Variants in CAPN6 observed in about 807,000 individuals in gnomAD.
CAPN6 encodes calpain 6, also known as calpain-6.
A neutral mutation model predicts 46.0 loss-of-function variants in CAPN6; 16 were observed. The ratio of observed to expected loss-of-function variants is 0.35; its 90% CI spans 0.24 to 0.53. CAPN6 has a LOEUF of 0.53. Ranked by LOEUF, CAPN6 falls within the 20% of genes least tolerant of loss-of-function variation. The pLI is 0.94. For missense variants in CAPN6, 461 were observed against 498.0 expected, an observed-to-expected ratio of 0.93 and a Z score of 0.71; for synonymous variants, 206 against 172.8, an observed-to-expected ratio of 1.19 and a Z score of -1.51.
At chrX:111,269,753 T>G (rs1010951805) in intron 1 of CAPN6, among the ~76,000 whole-genome samples, 1 of 111,430 alleles carries the variant, frequency 9.0e-6, no homozygotes, top group Non-Finnish European at 1.9e-5. Context: ...AGGCTGAAAA[T>G]GGAATAGCCA....
chrX:111,256,141 G>A (rs2094983564), intron 2 of CAPN6, among the ~76,000 whole-genome samples: 1 of 111,915 alleles, frequency 8.9e-6, no homozygotes, highest in Admixed American at 9.4e-5. Flanking sequence ...GCTCTCGCCT[G>A]TAATCCCAGC....
At chrX:111,265,923 T>C (rs1463651290) in intron 1 of CAPN6, among the ~76,000 whole-genome samples, 1 of 111,139 alleles carries the variant, frequency 9.0e-6, no homozygotes, top group Non-Finnish European at 1.9e-5. Context: ...GTAGCACCAA[T>C]TGAAAGGAAA....
Position 111,246,403 on chromosome X carries a change from G to A in CAPN6, c.*174C>T. 2.2e-6 allele frequency: 1 copy of A among 454,921 alleles called. No homozygotes were observed. The highest frequency in any genetic ancestry group is 3.8e-6 in the Non-Finnish European group (1 of 265,568). The allele number at this position is 454,921 out of a possible 1,213,427, so 37.5% of individuals were successfully genotyped here. On this transcript the variant is annotated 3_prime_UTR_variant, in exon 13 of 13. Transcript: ENST00000324068. Reference sequence around the variant, plus strand: ...CAGCTGCTGGAGGTATATAGGTTATGTAGCTACAGATGCTACTTGGATTGG... The same window carrying A: ...CAGCTGCTGGAGGTATATAGGTTATATAGCTACAGATGCTACTTGGATTGG...
In CAPN6 at chrX:111,270,426, C is replaced by CTGCTGCTGCTGCTGCTGCTGCTGG. The variant is rs1265919870; in HGVS notation, c.-72_-71insCCAGCAGCAGCAGCAGCAGCAGCA. 1.4e-5 allele frequency: 5 copies of CTGCTGCTGCTGCTGCTGCTGCTGG among 347,549 alleles called. No homozygotes were observed. In the Admixed American group the frequency reaches 1.6e-4, roughly 11 times the overall value. The allele number at this position is 347,549 out of a possible 1,213,427, so 28.6% of individuals were successfully genotyped here. On this transcript the variant is annotated 5_prime_UTR_variant, in exon 1 of 13. Transcript: ENST00000324068. ...GCTGCTGCTGCTGCTGCTGCTGCTG[C>CTGCTGCTGCTGCTGCTGCTGCTGG]CGTTGCCGCTGCTGCTGTTAGCCAG...
chrX:111,264,485 T>C lies in CAPN6; in HGVS notation c.-15-534A>G, dbSNP rs1004001672. On this transcript the variant is annotated intron_variant, in intron 1 of 12. Transcript: ENST00000324068. ...CTTCCGTCTTGTCATTTAAAGAGCT[T>C]TGCATTTTTTATTATTGGCCAGGAA... 2.7e-5 allele frequency among the ~76,000 whole-genome samples: 3 copies of C among 111,714 alleles called. No homozygotes were observed. The East Asian group carries it at 8.4e-4, about 31-fold the overall frequency.
At chrX:111,253,566 AG>A (rs1459218697) in intron 3 of CAPN6, among the ~76,000 whole-genome samples, 3 of 112,714 alleles carry the variant, frequency 2.7e-5, no homozygotes, top group Non-Finnish European at 5.6e-5. Flanking sequence ...TTAAAATGCA[AG>A]GCATTCTAAA....
chrX:111,254,660 G>A (rs892111243), intron 2 of CAPN6, among the ~76,000 whole-genome samples: 7 of 111,254 alleles, frequency 6.3e-5, no homozygotes, highest in Non-Finnish European at 1.3e-4. Flanking sequence ...GGTGCCATGC[G>A]GTGGTGAGGG....
chrX:111,251,892 C>G (rs2094979871), intron 5 of CAPN6, 150 bp from the exon 6 acceptor site: 1 of 466,817 alleles, frequency 2.1e-6, no homozygotes. Context: ...GAAACAAAAA[C>G]AGTAGAGGAA....
Position 111,251,563 on chromosome X carries a change from G to A in CAPN6, c.879C>T (p.Gly293=). 8.3e-7 allele frequency: 1 copy of A among 1,205,593 alleles called. No individual in the cohort carries two copies. Among genetic ancestry groups the A allele is most frequent in the Non-Finnish European group, 1.1e-6 (1 of 890,289 alleles). ...ATGCAACTCACATTTCACTCCAGGG[G>A]CCACTCCATTCCTGTCTTCCCAAGG... ...RNPLGRQEWS[G]PWSEISEEWQ... is the part of the protein sequence containing the mutation. Residue 293 remains glycine, a synonymous_variant, in exon 6 of 13, where the codon GGC becomes GGT. Coordinates refer to ENST00000324068, the MANE Select transcript of CAPN6 (RefSeq NM_014289.4).
intron 2 of CAPN6, among the ~76,000 whole-genome samples, chrX:111,259,366 T>C (rs905314720): frequency 8.9e-6 from 1 of 112,525 alleles, no homozygotes; most frequent in African/African-American, 3.2e-5. Flanking sequence ...AAGGAAATTC[T>C]TGAGCAGACT....
At chrX:111,257,765 TG>T (rs1184100969) in intron 2 of CAPN6, among the ~76,000 whole-genome samples, 1 of 111,390 alleles carries the variant, frequency 9.0e-6, no homozygotes, top group Non-Finnish European at 1.9e-5. Context: ...GTGGTAGGAA[TG>T]GGGTTGGAGG....
At chrX:111,247,775 T>G in intron 11 of CAPN6, 96 bp downstream of exon 11, 1 of 1,061,757 alleles carries the variant, frequency 9.4e-7, no homozygotes, top group Middle Eastern at 2.6e-4. Flanking sequence ...CTAGACAAAA[T>G]ATCGCTGGAG....
At chrX:111,261,672 G>A (rs1376020124) in intron 2 of CAPN6, among the ~76,000 whole-genome samples, 1 of 112,208 alleles carries the variant, frequency 8.9e-6, no homozygotes, top group Non-Finnish European at 1.9e-5. Flanking sequence ...ACAATGGACT[G>A]AGCCAAGATA....
chrX:111,254,505 T>A, intron 2 of CAPN6, 102 bp from the exon 3 acceptor site: 1 of 581,162 alleles, frequency 1.7e-6, no homozygotes, highest in Non-Finnish European at 2.7e-6. Context: ...GAGATAAGGT[T>A]AGGGTTGAAA....
chrX:111,258,553 G>T (rs762250052), intron 2 of CAPN6, among the ~76,000 whole-genome samples: 287 of 111,857 alleles, frequency 2.6e-3, no homozygotes, highest in Middle Eastern at 9.1e-3. Flanking sequence ...GTGGACTTAG[G>T]CTCAGGGACT....
chrX:111,265,159 G>T lies in CAPN6; in HGVS notation c.-15-1208C>A, dbSNP rs138540356. Among the ~76,000 whole-genome samples the T allele has an allele frequency of 2.3e-4, 26 of 112,155 alleles. No individual in the cohort carries two copies. In the East Asian group the frequency reaches 7.3e-3, roughly 31 times the overall value. Reference sequence around the variant, plus strand: ...TGTGTGGTATATCTGTGAGGCAGTCGCTGTTTTATAAAAAGTGAAATATTG... The same window carrying T: ...TGTGTGGTATATCTGTGAGGCAGTCTCTGTTTTATAAAAAGTGAAATATTG... On this transcript the variant is annotated intron_variant, in intron 1 of 12. Transcript: ENST00000324068.
rs1237345743 is a variant in CAPN6 at position 111,254,395 on chromosome X, A to G, written c.174T>C (p.Cys58=). 2 of 1,202,158 alleles carry G rather than the reference A, an allele frequency of 1.7e-6. No homozygotes were observed. Among genetic ancestry groups the G allele is most frequent in the Middle Eastern group, 2.3e-4 (1 of 4,314 alleles). Residue 58 remains cysteine, a synonymous_variant, in exon 3 of 13, where the codon TGT becomes TGC. Coordinates refer to ENST00000324068, the MANE Select transcript of CAPN6 (RefSeq NM_014289.4). The stretch of plus-strand genomic sequence containing the variant: ...TGCCCACAATCAGATGGGGGTCATC[A>G]CAGATGTCCTATGAATACAATAATT... ...KVVWKRPQDI[C]DDPHLIVGNI... is the part of the protein sequence containing the mutation.
chrX:111,262,640 T>C (rs768951417), intron 2 of CAPN6, among the ~76,000 whole-genome samples: 5 of 111,895 alleles, frequency 4.5e-5, no homozygotes, highest in Middle Eastern at 4.6e-3. Context: ...ATCACCTACA[T>C]TGAGAAGGAG....
chrX:111,260,030 G>C (rs1028600761), intron 2 of CAPN6, among the ~76,000 whole-genome samples: 6 of 112,313 alleles, frequency 5.3e-5, no homozygotes, highest in Non-Finnish European at 1.1e-4. Context: ...AAAAGTCCAG[G>C]AGCACATGGT....
Sources: allele counts gnomAD v4.1 joint callset (sites outside exome capture counted in the v4.1 genomes callset), GRCh38; gene constraint gnomAD v4.1.1; transcripts MANE v1.5; gene names NCBI Gene and HGNC (gene_info 2026-07-23, HGNC 2026-07-21).